Variants in CDH4 observed in about 807,000 individuals in gnomAD.
The protein encoded by CDH4 is cadherin-4.
CDH4 carries 33 observed loss-of-function variants against 86.0 expected under a neutral mutation model. The observed-to-expected ratio is 0.38, with a 90% confidence interval of 0.29 to 0.51. The LOEUF (loss-of-function observed/expected upper bound fraction) is 0.51. CDH4 is among the 20% of genes least tolerant of loss of function. The probability of loss-of-function intolerance (pLI) is 0.86; values close to 1 mark genes in which losing one functional copy is unlikely to be tolerated. For missense variants in CDH4, 1,114 were observed against 1,307.4 expected, an observed-to-expected ratio of 0.85 and a Z score of 2.28; for synonymous variants, 555 against 549.4, an observed-to-expected ratio of 1.01 and a Z score of -0.14.
intron 2 of CDH4, among the ~76,000 whole-genome samples, chr20:61,588,139 C>T (rs2086492246): frequency 6.6e-6 from 1 of 152,182 alleles, no homozygotes; most frequent in South Asian, 2.1e-4. Flanking sequence ...CTTAGCCTGC[C>T]ACGACCCTTC....
intron 8 of CDH4, among the ~76,000 whole-genome samples, chr20:61,895,288 C>T (rs751881): frequency 0.02 from 3,028 of 152,304 alleles, 86 homozygotes; most frequent in African/African-American, 0.067. Context: ...CGGTTGCCAC[C>T]TGGGAGGCAT....
chr20:61,349,126 G>A (rs558531656), intron 2 of CDH4, among the ~76,000 whole-genome samples: 1 of 152,204 alleles, frequency 6.6e-6, no homozygotes, highest in Non-Finnish European at 1.5e-5. Flanking sequence ...ATGGGACAGA[G>A]TTCCTGTCTA....
At chr20:61,814,528 A>C (rs1243759595) in intron 4 of CDH4, among the ~76,000 whole-genome samples, 1 of 152,242 alleles carries the variant, frequency 6.6e-6, no homozygotes, top group Non-Finnish European at 1.5e-5. Context: ...TTGTTTGTGC[A>C]AGAGATGGAA....
Position 61,663,709 on chromosome 20 carries a change from G to A in CDH4, c.170-79854G>A, listed in dbSNP as rs911528819. ...CCCGGCGGGAGCTGGCGGTACTGAG[G>A]AAGGACGTGCAGAACCAGGCAGGGC... On this transcript the variant is annotated intron_variant, in intron 2 of 15. Coordinates refer to ENST00000614565, the MANE Select transcript of CDH4 (RefSeq NM_001794.5). The surrounding 1 kb of genome is among the most constrained non-coding windows in gnomAD (Gnocchi z 5.0). Among the ~76,000 whole-genome samples the A allele has an allele frequency of 6.6e-6, 1 of 151,964 alleles. No homozygotes were observed. The highest frequency in any genetic ancestry group is 1.5e-5 in the Non-Finnish European group (1 of 67,986).
chr20:61,287,893 C>T lies in CDH4; in HGVS notation c.169+32956C>T, dbSNP rs997891836. On this transcript the variant is annotated intron_variant, in intron 2 of 15. Transcript: ENST00000614565. The stretch of plus-strand genomic sequence containing the variant: ...GAAGCCGGGAGGACAAGGCCAGTGT[C>T]CGGGTGGCACTGTGGCATTAAGCTG... 4.6e-5 allele frequency among the ~76,000 whole-genome samples: 7 copies of T among 152,168 alleles called. No homozygotes were observed. In the East Asian group the frequency reaches 1.4e-3, roughly 29 times the overall value.
At chr20:61,798,976 A>G (rs911029793) in intron 4 of CDH4, among the ~76,000 whole-genome samples, 2 of 152,210 alleles carry the variant, frequency 1.3e-5, no homozygotes, top group Non-Finnish European at 1.5e-5. Flanking sequence ...GTTGTGATCA[A>G]CAGTCCCCTG....
chr20:61,303,938 T>C (rs1028095247), intron 2 of CDH4, among the ~76,000 whole-genome samples: 1 of 152,132 alleles, frequency 6.6e-6, no homozygotes, highest in Non-Finnish European at 1.5e-5. Context: ...TCTTAAATAA[T>C]AGAGGCTACT....
intron 2 of CDH4, among the ~76,000 whole-genome samples, chr20:61,611,151 C>T (rs1021392055): frequency 2.0e-5 from 3 of 152,056 alleles, no homozygotes; most frequent in Admixed American, 6.5e-5. Flanking sequence ...TTGGGATAGT[C>T]CCCAACTGCA....
At chr20:61,354,258 G>A (rs909971245) in intron 2 of CDH4, among the ~76,000 whole-genome samples, 12 of 152,114 alleles carry the variant, frequency 7.9e-5, no homozygotes, top group South Asian at 4.2e-4. Context: ...CCGGCAGCAC[G>A]TGAGTGGGAG....
intron 4 of CDH4, among the ~76,000 whole-genome samples, chr20:61,820,284 C>G (rs1174188274): frequency 1.3e-5 from 2 of 152,232 alleles, no homozygotes; most frequent in African/African-American, 2.4e-5. Flanking sequence ...ACCAGCGGCT[C>G]TCACTGGCTG....
At chr20:61,465,098 A>G (rs2085465324) in intron 2 of CDH4, among the ~76,000 whole-genome samples, 2 of 152,232 alleles carry the variant, frequency 1.3e-5, no homozygotes, top group African/African-American at 2.4e-5. Context: ...GACCGTCCAC[A>G]GGGACTTTGA....
rs868751911 is a variant in CDH4, at chr20:61,829,212, A to T, written c.577-15456A>T. On this transcript the variant is annotated intron_variant, in intron 4 of 15. Transcript: ENST00000614565. This position sits in a 1 kb window ranked among gnomAD's most constrained non-coding sequence, Gnocchi z 4.2. Reference sequence around the variant, plus strand: ...AGCCAATAACGTACTTCCTGTCTCTATGGATTTGCCTGTCCTGCATACTTT... The same window carrying T: ...AGCCAATAACGTACTTCCTGTCTCTTTGGATTTGCCTGTCCTGCATACTTT... 1.6e-4 allele frequency among the ~76,000 whole-genome samples: 24 copies of T among 152,248 alleles called. No homozygotes were observed. Among genetic ancestry groups the T allele is most frequent in the South Asian group, 2.1e-4 (1 of 4,826 alleles).
At chr20:61,598,822 G>A (rs1171085128) in intron 2 of CDH4, among the ~76,000 whole-genome samples, 2 of 152,192 alleles carry the variant, frequency 1.3e-5, no homozygotes, top group East Asian at 1.9e-4. Context: ...AAGTGTGGTC[G>A]GAGTACCCGA....
At chr20:61,561,372 T>C (rs2086215559) in intron 2 of CDH4, among the ~76,000 whole-genome samples, 1 of 152,150 alleles carries the variant, frequency 6.6e-6, no homozygotes, top group Non-Finnish European at 1.5e-5. Context: ...GCAGATGAAA[T>C]GTGAAATGCT....
intron 2 of CDH4, among the ~76,000 whole-genome samples, chr20:61,656,931 G>C (rs1223926263): frequency 6.6e-6 from 1 of 152,150 alleles, no homozygotes; most frequent in Non-Finnish European, 1.5e-5. Context: ...GCTCCATGTT[G>C]TCACTGCCCA....
At chr20:61,438,075 G>A (rs1328827463) in intron 2 of CDH4, among the ~76,000 whole-genome samples, 1 of 152,166 alleles carries the variant, frequency 6.6e-6, no homozygotes, top group Non-Finnish European at 1.5e-5. Flanking sequence ...TGCATGCCAG[G>A]TTTGCCCAGT....
In CDH4 at chr20:61,611,062, G is replaced by A. The variant is rs556004312; in HGVS notation, c.170-132501G>A. Among the ~76,000 whole-genome samples, 378 of 152,154 alleles carry A rather than the reference G, an allele frequency of 2.5e-3. 4 individuals are homozygous for A. The highest frequency in any genetic ancestry group is 8.7e-3 in the African/African-American group (362 of 41,458). On this transcript the variant is annotated intron_variant, in intron 2 of 15. Transcript: ENST00000614565. ...CAAGAGGGGCTGCAGCTGAGACTGG[G>A]CCCCCTCAGGCTCTTCGGTGGGGTG...
chr20:61,464,342 A>G (rs1055657963), intron 2 of CDH4, among the ~76,000 whole-genome samples: 10 of 152,218 alleles, frequency 6.6e-5, no homozygotes, highest in Admixed American at 2.6e-4. Context: ...TTGAATCCAG[A>G]TTGAACATAA....
In CDH4 at chr20:61,383,199, TTATATATGAA is replaced by T. The variant is rs1358253454; in HGVS notation, c.169+128278_169+128287del. 2.7e-4 allele frequency among the ~76,000 whole-genome samples: 20 copies of T among 73,454 alleles called. 1 individual carries two copies. In the East Asian group the frequency reaches 3.0e-3, roughly 11 times the overall value. 48.2% of individuals were successfully genotyped at this position (73,454 alleles called of 152,430 possible). The stretch of plus-strand genomic sequence containing the variant: ...TATTTATGAATATATATGAATATAT[TTATATATGAA>T]TATATATGAATATATTATATATATG... On this transcript the variant is annotated intron_variant, in intron 2 of 15. Coordinates refer to ENST00000614565, the MANE Select transcript of CDH4 (RefSeq NM_001794.5).
Sources: gnomAD v4.1 joint callset for allele counts (sites outside exome capture counted in the v4.1 genomes callset) on GRCh38, gnomAD v4.1.1 for gene constraint, Gnocchi (gnomAD v3.1) non-coding constraint, MANE v1.5 for transcripts, NCBI Gene and HGNC (gene_info 2026-07-23, HGNC 2026-07-21) for gene names.